The following VPS13C variants were observed in gnomAD, a reference collection of about 807,000 sequenced individuals.
VPS13C encodes vacuolar protein sorting 13 homolog C, also known as intermembrane lipid transfer protein VPS13C.
A neutral mutation model predicts 456.8 loss-of-function variants in VPS13C; 358 were observed. The observed-to-expected ratio is 0.78, with a 90% CI of 0.72 to 0.86. The LOEUF (loss-of-function observed/expected upper bound fraction) is 0.86, where lower values mean the gene tolerates loss of function less well. Ranked by LOEUF, VPS13C falls within the 40% of genes least tolerant of loss-of-function variation. The probability of loss-of-function intolerance (pLI) is 0.00; values close to 1 mark genes in which losing one functional copy is unlikely to be tolerated. For synonymous variants in VPS13C, 1,578 were observed against 1,486.7 expected, an observed-to-expected ratio of 1.06 and a Z score of -1.41; for missense variants, 4,818 against 4,385.4, an observed-to-expected ratio of 1.10 and a Z score of -2.79.
intron 78 of VPS13C, among the ~76,000 whole-genome samples, chr15:61,872,664 C>G (rs78581319): frequency 0.054 from 8,204 of 152,038 alleles, 281 homozygotes; most frequent in Non-Finnish European, 0.084. Context: ...TATGAACACA[C>G]AGAAAGAGAA....
At chr15:62,054,004 CGAG>C (rs1439832610) in intron 1 of VPS13C, among the ~76,000 whole-genome samples, 22 of 152,108 alleles carry the variant, frequency 1.4e-4, no homozygotes, top group Non-Finnish European at 2.1e-4. Flanking sequence ...AACAGAGTTC[CGAG>C]TACTGGAGGA....
intron 3 of VPS13C, among the ~76,000 whole-genome samples, chr15:62,039,890 G>A (rs573738229): frequency 1.4e-4 from 22 of 152,150 alleles, no homozygotes; most frequent in African/African-American, 5.3e-4. Flanking sequence ...TCAGTATATT[G>A]AAGAGATACC....
chr15:61,889,363 T>G (rs1179646183), intron 67 of VPS13C, among the ~76,000 whole-genome samples: 4 of 152,096 alleles, frequency 2.6e-5, no homozygotes. Flanking sequence ...TGATACCATT[T>G]ATAACCATTA....
chr15:61,985,145 G>A (rs1207930631), intron 18 of VPS13C, 146 bp from the exon 19 acceptor site: 2 of 568,950 alleles, frequency 3.5e-6, no homozygotes, highest in Admixed American at 4.0e-5. Context: ...TCACCATAAA[G>A]GAAAAATTCT....
At chr15:62,018,388 G>C (rs2047336731) in intron 9 of VPS13C, among the ~76,000 whole-genome samples, 1 of 151,746 alleles carries the variant, frequency 6.6e-6, no homozygotes, top group Admixed American at 6.6e-5. Flanking sequence ...AATGCTTCCA[G>C]TTTTTGCCCA....
Position 61,867,028 on chromosome 15 carries a change from T to C in VPS13C, c.10863+1631A>G, listed in dbSNP as rs1189879015. 1.5e-5 allele frequency: 14 copies of C among 916,136 alleles called. No individual in the cohort carries two copies. Among genetic ancestry groups the C allele is most frequent in the Non-Finnish European group, 1.8e-5 (14 of 766,762 alleles). 56.8% of individuals were successfully genotyped at this position (916,136 alleles called of 1,614,324 possible). ...TAACTTATGTTGAGAATTAAGAGGA[T>C]ACTAATTTCAAAAATAATGATTATA... On this transcript the variant is annotated intron_variant, in intron 81 of 84. Transcript: ENST00000644861. The surrounding 1 kb of genome is among the most constrained non-coding windows in gnomAD (Gnocchi z 5.0).
At chr15:62,050,253 G>A (rs138458306) in intron 1 of VPS13C, among the ~76,000 whole-genome samples, 1 of 152,162 alleles carries the variant, frequency 6.6e-6, no homozygotes, top group Non-Finnish European at 1.5e-5. Context: ...CCACAATCAA[G>A]TGGCTCTAAT....
intron 55 of VPS13C, among the ~76,000 whole-genome samples, chr15:61,921,559 A>T (rs906519476): frequency 1.3e-5 from 2 of 152,138 alleles, no homozygotes; most frequent in Non-Finnish European, 2.9e-5. Context: ...CTGAAAAAAA[A>T]TTAAAAATTC....
At chr15:62,059,384 G>A (rs1346970860) in intron 1 of VPS13C, among the ~76,000 whole-genome samples, 1 of 152,150 alleles carries the variant, frequency 6.6e-6, no homozygotes, top group African/African-American at 2.4e-5. Flanking sequence ...CTCCAAAGCT[G>A]ACAAAGTTCC....
At chr15:61,963,301 G>C (rs1476465863) in intron 32 of VPS13C, among the ~76,000 whole-genome samples, 1 of 151,824 alleles carries the variant, frequency 6.6e-6, no homozygotes, top group East Asian at 1.9e-4. Context: ...ACCTCTACCA[G>C]GTCACAACAA....
rs140852310 is a variant in VPS13C, at chr15:61,852,472, C to T, written c.*1985G>A. On this transcript the variant is annotated 3_prime_UTR_variant, in exon 85 of 85. Coordinates refer to ENST00000644861, the MANE Select transcript of VPS13C (RefSeq NM_020821.3). The stretch of plus-strand genomic sequence containing the variant: ...CCTCTCAAAGCATTTTTAAAAAACG[C>T]ATTATTACACTTTACCAATGAATTA... 1 of 152,236 alleles carries T rather than the reference C, an allele frequency of 6.6e-6. No individual in the cohort carries two copies. Among genetic ancestry groups the T allele is most frequent in the African/African-American group, 2.4e-5 (1 of 41,538 alleles). The allele number at this position is 152,236 out of a possible 1,614,324, so 9.4% of individuals were successfully genotyped here. A position where few individuals can be genotyped will look rare whatever the true frequency, so the allele number is the denominator to read the frequency against.
chr15:61,950,267 G>T, intron 41 of VPS13C, 91 bp downstream of exon 41: 2 of 916,556 alleles, frequency 2.2e-6, no homozygotes, highest in Non-Finnish European at 3.6e-6. Context: ...TTATTCTCAC[G>T]TTAGAACTTA....
intron 77 of VPS13C, among the ~76,000 whole-genome samples, chr15:61,874,547 G>A (rs1319682808): frequency 6.6e-6 from 1 of 151,930 alleles, no homozygotes; most frequent in African/African-American, 2.4e-5. Context: ...TATATAGCAT[G>A]CAATTGCTTT....
intron 49 of VPS13C, among the ~76,000 whole-genome samples, chr15:61,932,364 G>A (rs907915077): frequency 5.9e-5 from 9 of 152,200 alleles, no homozygotes; most frequent in South Asian, 4.2e-4. Context: ...TGGATACTCC[G>A]ATTAAAGAAT....
chr15:61,863,719 C>A, intron 81 of VPS13C, 191 bp from the exon 82 acceptor site: 1 of 410,274 alleles, frequency 2.4e-6, no homozygotes, highest in Non-Finnish European at 4.3e-6. Flanking sequence ...TCCACTGTTG[C>A]CTTAAAAGAA....
In VPS13C at chr15:61,884,188, G is replaced by A; in HGVS notation, c.9423C>T (p.Ser3141=). 2.5e-6 allele frequency: 4 copies of A among 1,609,818 alleles called. No homozygotes were observed. The highest frequency in any genetic ancestry group is 3.4e-6 in the Non-Finnish European group (4 of 1,178,410). ...CTCTTGATATTTGATGTTTCTGATA[G>A]GATTGTTCCAATAAGATTATCTGCT... ...SQKQIILLEQ[S]YQKHQISRDH... Residue 3141 remains serine, a synonymous_variant, in exon 68 of 85, where the codon TCC becomes TCT. Transcript: ENST00000644861.
intron 2 of VPS13C, 28 bp from the exon 3 acceptor site, chr15:62,041,394 A>G: frequency 6.3e-7 from 1 of 1,588,718 alleles, no homozygotes; most frequent in Non-Finnish European, 8.5e-7. Context: ...AATGTAAAGG[A>G]CATCTTAAAT....
chr15:61,981,885 AT>A (rs2045899943), intron 21 of VPS13C, among the ~76,000 whole-genome samples: 1 of 152,034 alleles, frequency 6.6e-6, no homozygotes, highest in South Asian at 2.1e-4. Flanking sequence ...AAAATAAAAA[AT>A]AAAAAAAAAA....
chr15:62,000,012 T>C (rs2046550574), intron 16 of VPS13C, among the ~76,000 whole-genome samples: 1 of 152,028 alleles, frequency 6.6e-6, no homozygotes, highest in Non-Finnish European at 1.5e-5. Flanking sequence ...GTTGTCAGAA[T>C]TATAGATGTC....
Sources: allele counts gnomAD v4.1 joint callset (sites outside exome capture counted in the v4.1 genomes callset), GRCh38; gene constraint gnomAD v4.1.1; non-coding constraint Gnocchi (gnomAD v3.1); transcripts MANE v1.5; gene names NCBI Gene and HGNC (gene_info 2026-07-23, HGNC 2026-07-21).